Variants in IL1RAPL2 observed in about 807,000 individuals in gnomAD.
The protein encoded by IL1RAPL2 is interleukin 1 receptor accessory protein like 2.
Under a neutral mutation model 44.1 loss-of-function variants are expected in IL1RAPL2, and 3 were observed. The ratio of observed to expected loss-of-function variants is 0.07; its 90% CI spans 0.03 to 0.18. The LOEUF (loss-of-function observed/expected upper bound fraction) is 0.18, where lower values mean the gene tolerates loss of function less well. IL1RAPL2 is among the 10% of genes least tolerant of loss of function. The pLI is 1.00. For synonymous variants in IL1RAPL2, 181 were observed against 178.8 expected, an observed-to-expected ratio of 1.01 and a Z score of -0.10; for missense variants, 391 against 496.4, an observed-to-expected ratio of 0.79 and a Z score of 2.02.
chrX:105,124,074 C>A (rs2032951685), intron 2 of IL1RAPL2, among the ~76,000 whole-genome samples: 1 of 111,020 alleles, frequency 9.0e-6, no homozygotes, highest in African/African-American at 3.3e-5. Context: ...AAGGCACAAC[C>A]TTGACTTCCT....
At chrX:104,711,023 C>T (rs1189457251) in intron 2 of IL1RAPL2, among the ~76,000 whole-genome samples, 3 of 111,402 alleles carry the variant, frequency 2.7e-5, no homozygotes, top group Non-Finnish European at 5.7e-5. Context: ...AGGAGATATG[C>T]CAGAAGGCAT....
chrX:105,318,776 C>G (rs1434479255), intron 5 of IL1RAPL2, among the ~76,000 whole-genome samples: 1 of 111,301 alleles, frequency 9.0e-6, no homozygotes, highest in Non-Finnish European at 1.9e-5. Flanking sequence ...GTCTCAGGTA[C>G]TCTCACTATT....
chrX:105,131,881 C>T (rs2033030304), intron 2 of IL1RAPL2, among the ~76,000 whole-genome samples: 1 of 111,303 alleles, frequency 9.0e-6, no homozygotes, highest in South Asian at 3.7e-4. Context: ...TACCATAAAA[C>T]AATTTGTTTC....
Position 104,946,379 on chromosome X carries a change from C to CAAAAAAAAAAAAAAAA in IL1RAPL2, c.83-249081_83-249066dup. On this transcript the variant is annotated intron_variant, in intron 2 of 10. Transcript: ENST00000372582. ...TGGGCGACAGAGCAAGACTCCGTCT[C>CAAAAAAAAAAAAAAAA]AAAAAAAAAAAAAAAAAAAAAAAAA... Among the ~76,000 whole-genome samples the CAAAAAAAAAAAAAAAA allele has an allele frequency of 2.0e-3, 18 of 9,138 alleles. 3 individuals carry two copies. Among genetic ancestry groups the CAAAAAAAAAAAAAAAA allele is most frequent in the Non-Finnish European group, 2.4e-3 (15 of 6,294 alleles). 7.9% of individuals were successfully genotyped at this position (9,138 alleles called of 115,157 possible).
At chrX:105,310,805 C>G (rs1407229593) in intron 5 of IL1RAPL2, among the ~76,000 whole-genome samples, 1 of 111,496 alleles carries the variant, frequency 9.0e-6, no homozygotes, top group Non-Finnish European at 1.9e-5. Flanking sequence ...CCACTGTGAT[C>G]AAAGAACATG....
chrX:104,604,633 C>CAA (rs36050333), intron 1 of IL1RAPL2, among the ~76,000 whole-genome samples: 11,190 of 31,028 alleles, frequency 0.36, 2,200 homozygotes, highest in East Asian at 0.46. Context: ...AAATGCATAG[C>CAA]AAAAAAAAAA....
At chrX:104,737,405 T>C in intron 2 of IL1RAPL2, among the ~76,000 whole-genome samples, 1 of 112,463 alleles carries the variant, frequency 8.9e-6, no homozygotes, top group Middle Eastern at 4.6e-3. Flanking sequence ...AGGTTCTGTC[T>C]GATACAATTC....
intron 2 of IL1RAPL2, among the ~76,000 whole-genome samples, chrX:104,864,760 C>G (rs1172610776): frequency 9.0e-6 from 1 of 111,354 alleles, no homozygotes; most frequent in Non-Finnish European, 1.9e-5. Context: ...GCATCTTTCT[C>G]CCATCCTTCC....
chrX:105,517,722 G>A (rs2036525099), intron 6 of IL1RAPL2, among the ~76,000 whole-genome samples: 1 of 111,429 alleles, frequency 9.0e-6, no homozygotes, highest in Non-Finnish European at 1.9e-5. Flanking sequence ...AGCTTTCATA[G>A]CATTTTTTTC....
At chrX:105,575,101 T>C (rs955346856) in intron 6 of IL1RAPL2, among the ~76,000 whole-genome samples, 1 of 112,127 alleles carries the variant, frequency 8.9e-6, no homozygotes, top group African/African-American at 3.2e-5. Context: ...ATCCAAAATA[T>C]TGTCATCACC....
intron 2 of IL1RAPL2, chrX:104,804,497 T>C (rs1269882867): frequency 9.0e-6 from 1 of 111,634 alleles, no homozygotes; most frequent in African/African-American, 3.3e-5. Context: ...TCCCAGGCGC[T>C]AAAGAAAATG....
At chrX:105,148,588 T>C (rs2033199294) in intron 2 of IL1RAPL2, among the ~76,000 whole-genome samples, 1 of 111,909 alleles carries the variant, frequency 8.9e-6, no homozygotes, top group Admixed American at 9.5e-5. Context: ...TAGTTTCTCC[T>C]TAAAGAGGGT....
intron 2 of IL1RAPL2, among the ~76,000 whole-genome samples, chrX:105,137,990 T>C (rs1424056628): frequency 8.9e-6 from 1 of 112,052 alleles, no homozygotes. Flanking sequence ...AGAGGATCAC[T>C]TGAGCCCAGG....
At chrX:105,207,105 A>AGTTTT (rs1470950483) in intron 3 of IL1RAPL2, among the ~76,000 whole-genome samples, 1 of 111,320 alleles carries the variant, frequency 9.0e-6, no homozygotes, top group Non-Finnish European at 1.9e-5. Context: ...TCCTAACTAC[A>AGTTTT]GTTTTGTTTT....
chrX:105,353,796 T>C (rs1033638129), intron 5 of IL1RAPL2, among the ~76,000 whole-genome samples: 2 of 111,650 alleles, frequency 1.8e-5, no homozygotes, highest in Admixed American at 9.5e-5. Flanking sequence ...TCCTGAGACT[T>C]TACTGAAGTT....
rs72618310 is a variant in IL1RAPL2 at position 105,731,879 on chromosome X, G to C, written c.903-8667G>C. 6.7e-3 allele frequency among the ~76,000 whole-genome samples: 741 copies of C among 111,001 alleles called. 9 individuals carry two copies. Among genetic ancestry groups the C allele is most frequent in the South Asian group, 0.062 (163 of 2,633 alleles). On this transcript the variant is annotated intron_variant, in intron 7 of 10. Coordinates refer to ENST00000372582, the MANE Select transcript of IL1RAPL2 (RefSeq NM_017416.2). ...TAGAAGGAATAAGTTCTGATGTTCA[G>C]TAGTAGAGAAGGGTGACTGTAGTTA... is the stretch of plus-strand genomic sequence containing the variant.
intron 5 of IL1RAPL2, among the ~76,000 whole-genome samples, chrX:105,484,103 A>G (rs1418291950): frequency 8.9e-6 from 1 of 111,804 alleles, no homozygotes; most frequent in East Asian, 2.8e-4. Flanking sequence ...AAAATGGCCT[A>G]TTTACAGTGA....
At chrX:104,575,573 G>A (rs993754224) in intron 1 of IL1RAPL2, among the ~76,000 whole-genome samples, 3 of 111,330 alleles carry the variant, frequency 2.7e-5, no homozygotes, top group African/African-American at 9.8e-5. Context: ...ATAAGATAGT[G>A]GCAGATGCTG....
chrX:105,420,078 T>C (rs1602404112), intron 5 of IL1RAPL2, among the ~76,000 whole-genome samples: 1 of 111,031 alleles, frequency 9.0e-6, no homozygotes, highest in South Asian at 3.8e-4. Context: ...TTTTTTTTTT[T>C]CTTCTGAGTA....
Sources: gnomAD v4.1 joint callset for allele counts (sites outside exome capture counted in the v4.1 genomes callset) on GRCh38, gnomAD v4.1.1 for gene constraint, MANE v1.5 for transcripts, NCBI Gene and HGNC (gene_info 2026-07-23, HGNC 2026-07-21) for gene names.